Variants in THTPA observed in about 807,000 individuals in gnomAD.
THTPA encodes the protein thiamine triphosphatase.
A neutral mutation model predicts 16.5 loss-of-function variants in THTPA; 16 were observed. The observed-to-expected ratio is 0.97, with a 90% CI of 0.66 to 1.47. The LOEUF (loss-of-function observed/expected upper bound fraction) is 1.47. Among genes scored for constraint, THTPA ranks in the 40% most tolerant of loss-of-function variants. The pLI is 0.00. For synonymous variants in THTPA, 110 were observed against 115.5 expected (o/e 0.95, Z 0.30); for missense variants, 281 against 280.9 (o/e 1.00, Z 0.00).
At chr14:23,522,085 G>C in the THTPA span, 1 of 1,536,124 alleles carries the variant, frequency 6.5e-7, no homozygotes, top group African/African-American at 1.4e-5. Flanking sequence ...TGGTGATGGA[G>C]ATGGGTGGGC....
chr14:23,526,168 G>T, the THTPA span: 1 of 1,536,486 alleles, frequency 6.5e-7, no homozygotes, highest in Non-Finnish European at 8.7e-7. Context: ...TGGAGCTCTG[G>T]TTGTAGGAGA....
chr14:23,546,129 G>T, the THTPA span, among the ~76,000 whole-genome samples: 1 of 152,160 alleles, frequency 6.6e-6, no homozygotes, highest in Non-Finnish European at 1.5e-5. The surrounding 1 kb of genome is among the most constrained non-coding windows in gnomAD (Gnocchi z 4.7). Context: ...GCACATCAAC[G>T]TGCTCCACAG....
chr14:23,549,756 A>T, the THTPA span, among the ~76,000 whole-genome samples: 1 of 152,204 alleles, frequency 6.6e-6, no homozygotes, highest in African/African-American at 2.4e-5. Context: ...TGGAGGGGTT[A>T]TATGCCCCTG....
At chr14:23,524,525 T>C in the THTPA span, 1 of 1,526,722 alleles carries the variant, frequency 6.5e-7, no homozygotes, top group Non-Finnish European at 8.8e-7. The surrounding 1 kb of genome is among the most constrained non-coding windows in gnomAD (Gnocchi z 5.6). Flanking sequence ...CAAGGGCAGA[T>C]CTAGGAGTTG....
rs748947989 is a variant in THTPA, at chr14:23,559,818, G to A, written c.*978G>A. ...CCTGCACCGACTGGTGAAAGTGGTC[G>A]TAGGTGAGGCGCAGCTTTAGCCGCA... On this transcript the variant is annotated 3_prime_UTR_variant, in exon 2 of 2. Transcript: ENST00000288014. 16 of 1,614,028 alleles carry A rather than the reference G, an allele frequency of 9.9e-6. No individual in the cohort carries two copies. Among genetic ancestry groups the A allele is most frequent in the Middle Eastern group, 1.6e-4 (1 of 6,076 alleles).
chr14:23,524,026 CGTGGCA>C, the THTPA span: 1 of 1,514,704 alleles, frequency 6.6e-7, no homozygotes, highest in Non-Finnish European at 8.8e-7. This position sits in a 1 kb window ranked among gnomAD's most constrained non-coding sequence, Gnocchi z 5.6. Context: ...CAGAAGCAAG[CGTGGCA>C]GTGGGGTAGG....
chr14:23,523,300 G>A, the THTPA span: 17 of 1,446,068 alleles, frequency 1.2e-5, no homozygotes, highest in African/African-American at 1.4e-4. This position sits in a 1 kb window ranked among gnomAD's most constrained non-coding sequence, Gnocchi z 4.1. Flanking sequence ...GGGCAGCCCC[G>A]AGGGGCATGG....
chr14:23,521,497 T>C, the THTPA span: 4 of 155,520 alleles, frequency 2.6e-5, no homozygotes, highest in Admixed American at 2.5e-4. Flanking sequence ...TTTCGTTTCT[T>C]CTTTTTATCT....
chr14:23,520,468 A>G, the THTPA span, among the ~76,000 whole-genome samples: 13 of 152,248 alleles, frequency 8.5e-5, no homozygotes, highest in South Asian at 2.1e-4. This position sits in a 1 kb window ranked among gnomAD's most constrained non-coding sequence, Gnocchi z 8.7. Flanking sequence ...AGAGAAGCAG[A>G]TCTCAGATTC....
At chr14:23,550,746 C>T in the THTPA span, among the ~76,000 whole-genome samples, 4 of 151,106 alleles carry the variant, frequency 2.6e-5, no homozygotes, top group Non-Finnish European at 5.9e-5. Flanking sequence ...CCCTCACCTA[C>T]TCAACACTTT....
upstream of THTPA, chr14:23,551,760 T>C (rs1566598447): frequency 6.5e-6 from 1 of 152,778 alleles, no homozygotes; most frequent in African/African-American, 2.4e-5. This position sits in a 1 kb window ranked among gnomAD's most constrained non-coding sequence, Gnocchi z 5.3. Context: ...TCCCACACAA[T>C]GGAATAATCA....
At chr14:23,520,616 C>T in the THTPA span, among the ~76,000 whole-genome samples, 142 of 152,230 alleles carry the variant, frequency 9.3e-4, no homozygotes, top group Non-Finnish European at 1.9e-3. The surrounding 1 kb of genome is among the most constrained non-coding windows in gnomAD (Gnocchi z 8.7). Flanking sequence ...GGAGCGGGGA[C>T]ATGTCCCTCC....
the THTPA span, among the ~76,000 whole-genome samples, chr14:23,540,420 C>G: frequency 6.6e-6 from 1 of 152,214 alleles, no homozygotes; most frequent in Non-Finnish European, 1.5e-5. Flanking sequence ...CCCTTCCATA[C>G]TCACTGTCCT....
chr14:23,526,756 G>A, the THTPA span: 2 of 1,531,928 alleles, frequency 1.3e-6, no homozygotes, highest in South Asian at 1.2e-5. Flanking sequence ...TACCAAGGCA[G>A]TTGACCTTGG....
the THTPA span, chr14:23,531,728 C>T: frequency 1.5e-6 from 2 of 1,332,580 alleles, no homozygotes; most frequent in Non-Finnish European, 1.9e-6. Flanking sequence ...GAAACTAGAA[C>T]CATGGGAAGA....
upstream of THTPA, among the ~76,000 whole-genome samples, chr14:23,552,451 C>A (rs1595203855): frequency 6.6e-6 from 1 of 151,950 alleles, no homozygotes; most frequent in East Asian, 1.9e-4. Context: ...CATCAACACA[C>A]CCAGCTAATT....
intron 1 of THTPA, 102 bp from the exon 2 acceptor site, chr14:23,558,593 G>A: frequency 6.8e-7 from 1 of 1,479,500 alleles, no homozygotes; most frequent in Non-Finnish European, 9.2e-7. Context: ...CCCCAGTGTG[G>A]CTTTGGAAAC....
Position 23,556,283 on chromosome 14 carries a change from T to A in THTPA, c.-475T>A, listed in dbSNP as rs1364444876. ...AACTGCTCCCGGCATTCCTCGCGAG[T>A]GTATGGCGTGGGCTCCCTTCCCCCT... On this transcript the variant is annotated 5_prime_UTR_variant, in exon 1 of 2. Coordinates refer to ENST00000288014, the MANE Select transcript of THTPA (RefSeq NM_024328.6). The A allele has an allele frequency of 6.4e-6, 1 of 155,516 alleles. No homozygotes were observed. Among genetic ancestry groups the A allele is most frequent in the Non-Finnish European group, 1.4e-5 (1 of 70,200 alleles). 9.6% of individuals were successfully genotyped at this position (155,516 alleles called of 1,614,324 possible). A position where few individuals can be genotyped will look rare whatever the true frequency, so the allele number is the denominator to read the frequency against.
chr14:23,519,142 A>G, the THTPA span, among the ~76,000 whole-genome samples: 1 of 151,760 alleles, frequency 6.6e-6, no homozygotes, highest in South Asian at 2.1e-4. Context: ...GTAAAAGAAC[A>G]TGTTGCGTGA....
Sources: gnomAD v4.1 joint callset for allele counts (sites outside exome capture counted in the v4.1 genomes callset) on GRCh38, gnomAD v4.1.1 for gene constraint, Gnocchi (gnomAD v3.1) non-coding constraint, MANE v1.5 for transcripts, NCBI Gene and HGNC (gene_info 2026-07-23, HGNC 2026-07-21) for gene names.